Variants in SKA1 observed in about 807,000 individuals in gnomAD.
SKA1 encodes the protein spindle and kinetochore associated complex subunit 1, also known as SKA complex subunit 1.
A neutral mutation model predicts 31.8 loss-of-function variants in SKA1; 20 were observed. That is an observed-to-expected ratio of 0.63 (90% confidence interval 0.44 to 0.91). The LOEUF (loss-of-function observed/expected upper bound fraction) is 0.91, where lower values mean the gene tolerates loss of function less well. Ranked by LOEUF, SKA1 falls within the 40% of genes least tolerant of loss-of-function variation. The pLI, the probability that SKA1 is intolerant of heterozygous loss-of-function variation, is 0.00. For synonymous variants in SKA1, 88 were observed against 100.5 expected (o/e 0.88, Z 0.74); for missense variants, 253 against 298.2 (o/e 0.85, Z 1.12).
chr18:50,389,533 C>A (rs1226039525), intron 5 of SKA1, among the ~76,000 whole-genome samples: 5 of 151,732 alleles, frequency 3.3e-5, no homozygotes, highest in African/African-American at 9.7e-5. Flanking sequence ...GTAGCTGGGA[C>A]CACAGGCGTG....
chr18:50,386,781 T>C (rs1264065290), intron 5 of SKA1, among the ~76,000 whole-genome samples: 3 of 152,226 alleles, frequency 2.0e-5, no homozygotes, highest in Non-Finnish European at 4.4e-5. Flanking sequence ...AGTCATACAG[T>C]ATGTAGCCTT....
intron 5 of SKA1, among the ~76,000 whole-genome samples, chr18:50,385,725 A>C (rs1037511924): frequency 6.6e-6 from 1 of 151,982 alleles, no homozygotes; most frequent in South Asian, 2.1e-4. Context: ...TGTGCATTGC[A>C]CCCCGCACTT....
intron 3 of SKA1, 38 bp downstream of exon 3, chr18:50,380,288 A>T (rs1599724379): frequency 1.3e-6 from 2 of 1,516,836 alleles, no homozygotes; most frequent in Non-Finnish European, 1.8e-6. Flanking sequence ...AAAAAAGACA[A>T]TACATACAAA....
At chr18:50,391,465 C>T (rs1319735992) in intron 6 of SKA1, among the ~76,000 whole-genome samples, 172 bp downstream of exon 6, 2 of 152,164 alleles carry the variant, frequency 1.3e-5, no homozygotes, top group African/African-American at 4.8e-5. Flanking sequence ...TTGGTTGTTA[C>T]AGCTGGGTGC....
rs181708879 is a variant in SKA1, at chr18:50,378,456, C to T, written c.89-1670C>T. The stretch of plus-strand genomic sequence containing the variant: ...CTTTGGGAGGCCAAGGCAGGCGGAT[C>T]GCTTGAGCTTAGGAGTTTGAGACCA... On this transcript the variant is annotated intron_variant, in intron 2 of 6. Transcript: ENST00000285116. Among the ~76,000 whole-genome samples, 734 of 152,246 alleles carry T rather than the reference C, an allele frequency of 4.8e-3. 8 individuals are homozygous for T. The highest frequency in any genetic ancestry group is 7.6e-3 in the Non-Finnish European group (518 of 68,016).
chr18:50,385,814 A>AG (rs1302227257), intron 5 of SKA1, among the ~76,000 whole-genome samples: 3 of 152,176 alleles, frequency 2.0e-5, no homozygotes, highest in African/African-American at 7.2e-5. Context: ...TCCCCCAAAG[A>AG]GGGGGGCGGG....
chr18:50,386,477 C>T (rs550326357), intron 5 of SKA1, among the ~76,000 whole-genome samples: 21 of 152,212 alleles, frequency 1.4e-4, no homozygotes, highest in African/African-American at 4.1e-4. Flanking sequence ...GTTCTCATAC[C>T]GCTTCTCCCC....
intron 3 of SKA1, among the ~76,000 whole-genome samples, chr18:50,381,758 C>A (rs889992653): frequency 8.0e-6 from 1 of 124,410 alleles, no homozygotes; most frequent in Admixed American, 1.0e-4. Flanking sequence ...ACGAGCCTTT[C>A]TCTGTCGCCC....
intron 4 of SKA1, among the ~76,000 whole-genome samples, chr18:50,383,056 C>G (rs2041275505): frequency 6.6e-6 from 1 of 151,922 alleles, no homozygotes; most frequent in Non-Finnish European, 1.5e-5. Flanking sequence ...TAAATAAAAG[C>G]CAAAGGAACA....
At chr18:50,385,164 T>A in intron 4 of SKA1, 52 bp from the exon 5 acceptor site, 1 of 1,453,288 alleles carries the variant, frequency 6.9e-7, no homozygotes, top group Non-Finnish European at 9.3e-7. Context: ...ACTGTCAGTA[T>A]GCTGCTTATT....
At chr18:50,377,146 A>T (rs1228458027) in intron 2 of SKA1, among the ~76,000 whole-genome samples, 1 of 152,164 alleles carries the variant, frequency 6.6e-6, no homozygotes, top group Non-Finnish European at 1.5e-5. Context: ...ATTATTATGT[A>T]CTATACATAA....
chr18:50,380,309 A>C (rs990376138), intron 3 of SKA1, 59 bp downstream of exon 3: 3 of 1,462,010 alleles, frequency 2.1e-6, no homozygotes, highest in Non-Finnish European at 2.7e-6. Flanking sequence ...CTCCCTAATC[A>C]TTAAGTAATT....
Position 50,392,554 on chromosome 18 carries a change from A to T in SKA1, c.*307A>T. On this transcript the variant is annotated 3_prime_UTR_variant, in exon 7 of 7. Transcript: ENST00000285116. ...TGGCTAATTTTTGTATTTTTTGGAGAGATGGGGTTTCACCATGTTGCCTAG... is the reference window on the plus strand; with the variant it reads ...TGGCTAATTTTTGTATTTTTTGGAGTGATGGGGTTTCACCATGTTGCCTAG... The T allele has an allele frequency of 5.8e-6, 1 of 171,166 alleles. No individual in the cohort carries two copies. Among genetic ancestry groups the T allele is most frequent in the Non-Finnish European group, 1.2e-5 (1 of 81,262 alleles). The allele number at this position is 171,166 out of a possible 1,614,324, so 10.6% of individuals were successfully genotyped here. A position where few individuals can be genotyped will look rare whatever the true frequency, so the allele number is the denominator to read the frequency against.
At chr18:50,377,603 C>T (rs1401276872) in intron 2 of SKA1, among the ~76,000 whole-genome samples, 1 of 152,132 alleles carries the variant, frequency 6.6e-6, no homozygotes, top group Non-Finnish European at 1.5e-5. Flanking sequence ...ACAGATGATC[C>T]TTGTCAAATC....
intron 2 of SKA1, 34 bp from the exon 3 acceptor site, chr18:50,380,092 A>G (rs2041251520): frequency 1.4e-6 from 2 of 1,467,042 alleles, no homozygotes; most frequent in Admixed American, 2.8e-5. Flanking sequence ...TTTTCTATAC[A>G]CTTTGTTTTC....
intron 2 of SKA1, among the ~76,000 whole-genome samples, chr18:50,376,539 G>C (rs997990053): frequency 8.5e-5 from 9 of 105,602 alleles, no homozygotes; most frequent in Non-Finnish European, 1.7e-4. Context: ...TGCAGAACTG[G>C]AAGTTGCTGT....
intron 2 of SKA1, among the ~76,000 whole-genome samples, chr18:50,376,569 A>G (rs4939978): frequency 0.038 from 5,568 of 146,876 alleles, 319 homozygotes; most frequent in African/African-American, 0.13. Flanking sequence ...AGTGACTGTG[A>G]GGGCCTAGGA....
chr18:50,379,273 G>A (rs1420661627), intron 2 of SKA1, among the ~76,000 whole-genome samples: 1 of 152,124 alleles, frequency 6.6e-6, no homozygotes, highest in Non-Finnish European at 1.5e-5. Context: ...GTGGGATTGG[G>A]ACCATGAGAA....
chr18:50,390,701 T>C (rs908240118), intron 5 of SKA1, among the ~76,000 whole-genome samples: 2 of 152,212 alleles, frequency 1.3e-5, no homozygotes, highest in Non-Finnish European at 2.9e-5. Flanking sequence ...TCCTCCTTTT[T>C]TTCTCTTTCT....
Sources: allele counts gnomAD v4.1 joint callset (sites outside exome capture counted in the v4.1 genomes callset), GRCh38; gene constraint gnomAD v4.1.1; transcripts MANE v1.5; gene names NCBI Gene and HGNC (gene_info 2026-07-23, HGNC 2026-07-21).